Variants in TANC2 observed in about 807,000 individuals in gnomAD.
TANC2 encodes protein TANC2.
A neutral mutation model predicts 210.5 loss-of-function variants in TANC2; 26 were observed. That is an observed-to-expected ratio of 0.12 (90% CI 0.09 to 0.17). The LOEUF (loss-of-function observed/expected upper bound fraction) is 0.17, where lower values mean the gene tolerates loss of function less well. Among genes scored for constraint, TANC2 ranks in the 10% least tolerant of loss-of-function variants. TANC2 has a pLI of 1.00. For synonymous variants in TANC2, 931 were observed against 967.1 expected (o/e 0.96, Z 0.69); for missense variants, 2,129 against 2,608.9 (o/e 0.82, Z 4.01).
intron 9 of TANC2, among the ~76,000 whole-genome samples, chr17:63,293,980 T>C (rs1189323113): frequency 6.6e-6 from 1 of 152,178 alleles, no homozygotes; most frequent in East Asian, 1.9e-4. Flanking sequence ...CTTCCCACCT[T>C]AGCCTCCTAG....
chr17:63,223,694 G>A (rs745709846), intron 7 of TANC2, among the ~76,000 whole-genome samples: 6 of 152,120 alleles, frequency 3.9e-5, no homozygotes, highest in South Asian at 2.1e-4. Context: ...GCCCTAGTGC[G>A]TTGCCATGGC....
chr17:63,406,015 G>A, intron 20 of TANC2, 139 bp from the exon 21 acceptor site: 1 of 1,058,260 alleles, frequency 9.4e-7, no homozygotes, highest in Non-Finnish European at 1.4e-6. Flanking sequence ...GACTATACAG[G>A]TACTTATGGG....
At chr17:63,386,246 C>A (rs2047775480) in intron 15 of TANC2, among the ~76,000 whole-genome samples, 1 of 152,040 alleles carries the variant, frequency 6.6e-6, no homozygotes, top group Non-Finnish European at 1.5e-5. Context: ...AGTGTATGGA[C>A]CTTATGTGAA....
intron 9 of TANC2, among the ~76,000 whole-genome samples, chr17:63,308,906 G>T (rs904691505): frequency 6.6e-6 from 1 of 151,982 alleles, no homozygotes; most frequent in African/African-American, 2.4e-5. Context: ...TATAATTAAA[G>T]ATATAATTAA....
chr17:63,340,000 G>A (rs542007716), intron 11 of TANC2, 101 bp from the exon 12 acceptor site: 2 of 831,070 alleles, frequency 2.4e-6, no homozygotes, highest in African/African-American at 1.7e-5. Context: ...GTAATACTGA[G>A]ATACTAAGTG....
intron 6 of TANC2, among the ~76,000 whole-genome samples, chr17:63,194,739 T>G (rs1265763274): frequency 6.6e-6 from 1 of 152,174 alleles, no homozygotes; most frequent in Non-Finnish European, 1.5e-5. Context: ...CCTCTTGGAC[T>G]CAAAGGCTAC....
intron 26 of TANC2, among the ~76,000 whole-genome samples, chr17:63,417,847 G>A (rs574711058): frequency 7.9e-5 from 12 of 152,190 alleles, no homozygotes; most frequent in South Asian, 2.1e-4. Context: ...TCATCCTCCC[G>A]GACTTTACAG....
chr17:63,313,268 A>G (rs1355642026), intron 9 of TANC2: 1 of 152,164 alleles, frequency 6.6e-6, no homozygotes, highest in Non-Finnish European at 1.5e-5. Context: ...CCTAGTATAT[A>G]TCAAGGCACT....
At chr17:63,376,739 A>T (rs2047435295) in intron 14 of TANC2, among the ~76,000 whole-genome samples, 1 of 152,076 alleles carries the variant, frequency 6.6e-6, no homozygotes, top group African/African-American at 2.4e-5. Flanking sequence ...GCTTGCATGG[A>T]ATCATCAGTA....
At chr17:63,098,513 G>GTA (rs779741664) in intron 3 of TANC2, among the ~76,000 whole-genome samples, 21,827 of 125,342 alleles carry the variant, frequency 0.17, 2,493 homozygotes, top group Middle Eastern at 0.22. Flanking sequence ...CTCTCTCTGT[G>GTA]TGTATATATA....
chr17:63,314,497 C>T (rs770637490), exon 10 of TANC2: 24 of 1,613,746 alleles, frequency 1.5e-5, no homozygotes, highest in Middle Eastern at 1.6e-4. Flanking sequence ...GGGTTTTCCA[C>T]GAAATAGATG....
At chr17:63,250,429 A>G (rs1598706131) in intron 8 of TANC2, among the ~76,000 whole-genome samples, 1 of 152,172 alleles carries the variant, frequency 6.6e-6, no homozygotes, top group South Asian at 2.1e-4. Flanking sequence ...TGACAGAACT[A>G]TCTCAAAAAT....
intron 5 of TANC2, among the ~76,000 whole-genome samples, chr17:63,189,163 T>C (rs907645156): frequency 1.3e-5 from 2 of 152,230 alleles, no homozygotes; most frequent in African/African-American, 4.8e-5. Flanking sequence ...TGACATTTTA[T>C]TTATCCATTC....
intron 7 of TANC2, among the ~76,000 whole-genome samples, chr17:63,219,889 A>G (rs1192655132): frequency 6.6e-6 from 1 of 152,232 alleles, no homozygotes; most frequent in Non-Finnish European, 1.5e-5. Flanking sequence ...CAAATTTTGA[A>G]AAAGAACAAA....
chr17:63,031,495 A>G (rs1170623560), intron 2 of TANC2, among the ~76,000 whole-genome samples: 1 of 152,134 alleles, frequency 6.6e-6, no homozygotes, highest in Non-Finnish European at 1.5e-5. Context: ...ACTAGTCACT[A>G]TAGTCACTTC....
At chr17:63,098,517 A>ATATC (rs2037498652) in intron 3 of TANC2, among the ~76,000 whole-genome samples, 1 of 127,786 alleles carries the variant, frequency 7.8e-6, no homozygotes, top group Admixed American at 8.0e-5. Flanking sequence ...CTCTGTGTGT[A>ATATC]TATATATATA....
rs1319500863 is a variant in TANC2, at chr17:63,367,717, CAAG to C, written c.2583-12000_2583-11998del. Among the ~76,000 whole-genome samples, 8 of 152,206 alleles carry C rather than the reference CAAG, an allele frequency of 5.3e-5. No individual in the cohort carries two copies. The South Asian group carries it at 1.7e-3, about 32-fold the overall frequency. On this transcript the variant is annotated intron_variant, in intron 14 of 27. Transcript: ENST00000689528. ...GAAAAGGTAATGGCAGTAACAGAAA[CAAG>C]GAGGAGTGAGAACATATGAAATGCC...
chr17:63,205,289 G>A (rs1392334028), intron 7 of TANC2, among the ~76,000 whole-genome samples: 1 of 87,874 alleles, frequency 1.1e-5, no homozygotes, highest in Admixed American at 1.6e-4. Context: ...ATGGATTAAA[G>A]ACCTAAACAT....
chr17:62,992,969 C>CT (rs1377879654), intron 1 of TANC2, among the ~76,000 whole-genome samples: 1 of 152,196 alleles, frequency 6.6e-6, no homozygotes, highest in Non-Finnish European at 1.5e-5. Flanking sequence ...GGGAGAGAAT[C>CT]TGTTTTTTAC....
Sources: gnomAD v4.1 joint callset for allele counts (sites outside exome capture counted in the v4.1 genomes callset) on GRCh38, gnomAD v4.1.1 for gene constraint, MANE v1.5 for transcripts, NCBI Gene and HGNC (gene_info 2026-07-23, HGNC 2026-07-21) for gene names.